TUBA8: variants seen among roughly 807,000 people sequenced by gnomAD.
TUBA8 encodes tubulin alpha 8, also known as tubulin alpha-8 chain.
TUBA8 carries 29 observed loss-of-function variants against 34.7 expected under a neutral mutation model. The observed-to-expected ratio is 0.84, with a 90% CI of 0.62 to 1.14. The LOEUF (loss-of-function observed/expected upper bound fraction) is 1.14, where lower values mean the gene tolerates loss of function less well. TUBA8 is among the 50% of genes most tolerant of loss of function. The pLI is 0.00. For synonymous variants in TUBA8, 226 were observed against 231.2 expected, an observed-to-expected ratio of 0.98 and a Z score of 0.21; for missense variants, 541 against 599.2, an observed-to-expected ratio of 0.90 and a Z score of 1.01.
chr22:18,130,935 C>T lies in TUBA8; in HGVS notation c.1149C>T (p.Ala383=), dbSNP rs1928485371. ...TCTGCATGCTCAGCAACACCACGGC[C>T]ATTGCGGAGGCCTGGGCCCGCCTCG... ...RAVCMLSNTT[A]IAEAWARLDH... The change falls in exon 5 of 5, where the codon GCC becomes GCT. Residue 383 remains alanine (A), a synonymous_variant. Transcript: ENST00000330423. 1 of 1,614,188 alleles carries T rather than the reference C, an allele frequency of 6.2e-7. No individual in the cohort carries two copies. The highest frequency in any genetic ancestry group is 1.1e-5 in the South Asian group (1 of 91,090).
At chr22:18,125,143 G>C (rs1928272926) in intron 3 of TUBA8, 1 of 152,154 alleles carries the variant, frequency 6.6e-6, no homozygotes, top group Admixed American at 6.6e-5. Context: ...TCAGGCCCTT[G>C]CTCAGCATGT....
chr22:18,126,578 T>C lies in TUBA8; in HGVS notation c.600T>C (p.Cys200=). The change falls in exon 4 of 5, where the codon TGT becomes TGC. Residue 200 remains cysteine, a synonymous_variant. Transcript: ENST00000330423. The surrounding 1 kb of genome is among the most constrained non-coding windows in gnomAD (Gnocchi z 4.0). ...ACACCACACTGGAACATTCAGATTG[T>C]GCTTTCATGGTGGACAACGAAGCCA... is the stretch of plus-strand genomic sequence containing the variant. ...TTHTTLEHSD[C]AFMVDNEAIY... 1 of 1,614,220 alleles carries C rather than the reference T, an allele frequency of 6.2e-7. No individual in the cohort carries two copies. Among genetic ancestry groups the C allele is most frequent in the South Asian group, 1.1e-5 (1 of 91,082 alleles).
intron 1 of TUBA8, chr22:18,112,782 T>C (rs1770235892): frequency 6.6e-6 from 1 of 152,266 alleles, no homozygotes; most frequent in African/African-American, 2.4e-5. Context: ...TTAACTTGTG[T>C]GCGTTGCACT....
rs372303034 is a variant in TUBA8, at chr22:18,121,139, C to T, written c.4-340C>T. On this transcript the variant is annotated intron_variant, in intron 1 of 4. Transcript: ENST00000330423. This position sits in a 1 kb window ranked among gnomAD's most constrained non-coding sequence, Gnocchi z 4.8. ...GCTGAAGGAGAGTTTCTGCCATGAT[C>T]GCCAGTTCTTCCTTGGGCCTTCTTC... is the stretch of plus-strand genomic sequence containing the variant. The T allele has an allele frequency of 1.5e-5, 5 of 331,730 alleles. No homozygotes were observed. Among genetic ancestry groups the T allele is most frequent in the South Asian group, 1.2e-4 (4 of 33,406 alleles). The allele number at this position is 331,730 out of a possible 1,614,324, so 20.5% of individuals were successfully genotyped here.
chr22:18,112,997 G>A (rs998197984), intron 1 of TUBA8: 2 of 152,252 alleles, frequency 1.3e-5, no homozygotes, highest in African/African-American at 4.8e-5. Context: ...CCCTGGTGGG[G>A]GTTTGGGGGA....
At chr22:18,125,531 AAAAG>A (rs1374109843) in intron 3 of TUBA8, 7 of 151,724 alleles carry the variant, frequency 4.6e-5, no homozygotes, top group Non-Finnish European at 1.0e-4. Flanking sequence ...AAAAAAAAAA[AAAAG>A]GAACAGAAGT....
rs1333213320 is a variant in TUBA8 at position 18,119,991 on chromosome 22, C to T, written c.4-1488C>T. 1 of 152,212 alleles carries T rather than the reference C, an allele frequency of 6.6e-6. No homozygotes were observed. Among genetic ancestry groups the T allele is most frequent in the East Asian group, 1.9e-4 (1 of 5,180 alleles). 9.4% of individuals were successfully genotyped at this position (152,212 alleles called of 1,614,324 possible). The stretch of plus-strand genomic sequence containing the variant: ...TTCCTGCTGGGCTCAGGCGGCTGCC[C>T]CAGGCACAGTGTCGCCTTGTGTGGG... On this transcript the variant is annotated intron_variant, in intron 1 of 4. Transcript: ENST00000330423. The surrounding 1 kb of genome is among the most constrained non-coding windows in gnomAD (Gnocchi z 5.9).
At position 18,111,545 on chromosome 22, in the gene TUBA8, G is replaced by A. The variant is rs1267591101; in HGVS notation, c.3+677G>A. 1 of 152,314 alleles carries A rather than the reference G, an allele frequency of 6.6e-6. No individual in the cohort carries two copies. The highest frequency in any genetic ancestry group is 2.4e-5 in the African/African-American group (1 of 41,396). The allele number at this position is 152,314 out of a possible 1,614,324, so 9.4% of individuals were successfully genotyped here. ...CGACCTGTTTCCTACCCTGGCTTAG[G>A]GGGATCGCGGCTGCTCCCTTCCCTG... On this transcript the variant is annotated intron_variant, in intron 1 of 4. Transcript: ENST00000330423. The surrounding 1 kb of genome is among the most constrained non-coding windows in gnomAD (Gnocchi z 5.1).
rs770355717 is a variant in TUBA8 at position 18,121,691 on chromosome 22, T to C, written c.216T>C (p.Pro72=). The C allele has an allele frequency of 8.1e-6, 13 of 1,614,142 alleles. No individual in the cohort carries two copies. In the Admixed American group the frequency reaches 1.0e-4, roughly 12 times the overall value. ...VPRAVMIDLE[P]TVVDEVRAGT... Reference sequence around the variant, plus strand: ...GGGCCGTCATGATAGATCTGGAGCCTACTGTAGTGGGTGAGTGGGGGCGGA... The same window carrying C: ...GGGCCGTCATGATAGATCTGGAGCCCACTGTAGTGGGTGAGTGGGGGCGGA... The change falls in exon 2 of 5, where the codon CCT becomes CCC. Residue 72 remains proline, a synonymous_variant. Transcript: ENST00000330423. This position sits in a 1 kb window ranked among gnomAD's most constrained non-coding sequence, Gnocchi z 4.8.
rs759042173 is a variant in TUBA8, at chr22:18,126,521, G to C, written c.543G>C (p.Val181=). The change falls in exon 4 of 5, where the codon GTG becomes GTC. Residue 181 remains valine (V), a synonymous_variant. Coordinates refer to ENST00000330423, the MANE Select transcript of TUBA8 (RefSeq NM_018943.3). This position sits in a 1 kb window ranked among gnomAD's most constrained non-coding sequence, Gnocchi z 4.0. ...IYPAPQVSTA[V]VEPYNSILTT... is the part of the protein sequence containing the mutation. ...CAGCCCCCCAGGTCTCTACTGCAGTGGTGGAGCCCTACAACTCCATCCTGA... is the reference window on the plus strand; with the variant it reads ...CAGCCCCCCAGGTCTCTACTGCAGTCGTGGAGCCCTACAACTCCATCCTGA... The C allele has an allele frequency of 6.2e-6, 10 of 1,614,152 alleles. No individual in the cohort carries two copies. Among genetic ancestry groups the C allele is most frequent in the South Asian group, 5.5e-5 (5 of 91,062 alleles).
At position 18,126,449 on chromosome 22, in the gene TUBA8, C is replaced by G. The variant is rs1306149864; in HGVS notation, c.471C>G (p.Leu157=). Reference sequence around the variant, plus strand: ...TCACTTCTCTGCTGATGGAACGCCTCTCCCTGGATTATGGCAAGAAATCCA... The same window carrying G: ...TCACTTCTCTGCTGATGGAACGCCTGTCCCTGGATTATGGCAAGAAATCCA... ...SGFTSLLMER[L]SLDYGKKSKL... Residue 157 remains leucine, a synonymous_variant, in exon 4 of 5, where the codon CTC becomes CTG. Transcript: ENST00000330423. This position sits in a 1 kb window ranked among gnomAD's most constrained non-coding sequence, Gnocchi z 4.0. The G allele has an allele frequency of 9.9e-6, 16 of 1,614,074 alleles. No homozygotes were observed. The highest frequency in any genetic ancestry group is 1.7e-5 in the Admixed American group (1 of 60,012).
intron 1 of TUBA8, chr22:18,120,372 A>C (rs148977612): frequency 1.4e-4 from 21 of 152,276 alleles, no homozygotes; most frequent in African/African-American, 4.8e-4. Flanking sequence ...ACTTATAAGA[A>C]CATGTGGTAT....
intron 2 of TUBA8, chr22:18,123,757 T>C (rs545813864): frequency 3.9e-6 from 1 of 258,918 alleles, no homozygotes; most frequent in East Asian, 9.1e-5. Flanking sequence ...TGTATTTTAG[T>C]AGAGATGGGG....
Position 18,111,946 on chromosome 22 carries a change from G to A in TUBA8, c.3+1078G>A, listed in dbSNP as rs960295880. 8 of 152,142 alleles carry A rather than the reference G, an allele frequency of 5.3e-5. No individual in the cohort carries two copies. Among genetic ancestry groups the A allele is most frequent in the Admixed American group, 3.3e-4 (5 of 15,272 alleles). The allele number at this position is 152,142 out of a possible 1,614,324, so 9.4% of individuals were successfully genotyped here. A position where few individuals can be genotyped will look rare whatever the true frequency, so the allele number is the denominator to read the frequency against. ...GCTCTAGCCTTCCAGCTTCAGTTTTGTCAGCACCCTCCCTCCTCCTAGCGG... is the reference window on the plus strand; with the variant it reads ...GCTCTAGCCTTCCAGCTTCAGTTTTATCAGCACCCTCCCTCCTCCTAGCGG... On this transcript the variant is annotated intron_variant, in intron 1 of 4. Coordinates refer to ENST00000330423, the MANE Select transcript of TUBA8 (RefSeq NM_018943.3). The surrounding 1 kb of genome is among the most constrained non-coding windows in gnomAD (Gnocchi z 5.1).
In TUBA8 at chr22:18,126,177, T is replaced by G; in HGVS notation, c.376-177T>G. ...CTGTGCCTGGCCCCATCCCATATTTTAGCCACTCCTCCAAAGATCAATACA... is the reference window on the plus strand; with the variant it reads ...CTGTGCCTGGCCCCATCCCATATTTGAGCCACTCCTCCAAAGATCAATACA... On this transcript the variant is annotated intron_variant, in intron 3 of 4. Transcript: ENST00000330423. This position sits in a 1 kb window ranked among gnomAD's most constrained non-coding sequence, Gnocchi z 4.0. 1 of 638,872 alleles carries G rather than the reference T, an allele frequency of 1.6e-6. No homozygotes were observed. The highest frequency in any genetic ancestry group is 2.7e-6 in the Non-Finnish European group (1 of 366,836). The allele number at this position is 638,872 out of a possible 1,614,324, so 39.6% of individuals were successfully genotyped here. A position where few individuals can be genotyped will look rare whatever the true frequency, so the allele number is the denominator to read the frequency against.
intron 4 of TUBA8, chr22:18,127,264 A>T: frequency 1.9e-6 from 1 of 540,246 alleles, no homozygotes. Context: ...AAATTGATTA[A>T]TTGGTTAATC....
intron 1 of TUBA8, chr22:18,112,425 A>G (rs1476522812): frequency 6.6e-6 from 1 of 152,192 alleles, no homozygotes; most frequent in Admixed American, 6.5e-5. Flanking sequence ...TAATATTTAT[A>G]ATATCTAGCA....
intron 2 of TUBA8, chr22:18,123,069 C>T (rs1928198432): frequency 8.2e-6 from 1 of 122,412 alleles, no homozygotes; most frequent in African/African-American, 3.2e-5. Flanking sequence ...GAGATCGCGC[C>T]ACTGCACTCC....
In TUBA8 at chr22:18,110,890, C is replaced by G; in HGVS notation, c.3+22C>G. ...GATGGTGAGGCTTCCCGGGGCCAGG[C>G]GGGCTGCGGGCGCGCGGCAGGCGTA... On this transcript the variant is annotated intron_variant, in intron 1 of 4. Transcript: ENST00000330423. The surrounding 1 kb of genome is among the most constrained non-coding windows in gnomAD (Gnocchi z 6.2). 13 of 1,545,120 alleles carry G rather than the reference C, an allele frequency of 8.4e-6. No homozygotes were observed. The highest frequency in any genetic ancestry group is 1.1e-5 in the Non-Finnish European group (13 of 1,152,268).
Sources: allele counts gnomAD v4.1 joint callset, GRCh38; gene constraint gnomAD v4.1.1; non-coding constraint Gnocchi (gnomAD v3.1); transcripts MANE v1.5; gene names NCBI Gene and HGNC (gene_info 2026-07-23, HGNC 2026-07-21).